The following TANC2 variants were observed in gnomAD, a reference collection of about 807,000 sequenced individuals.
TANC2 encodes the protein tetratricopeptide repeat, ankyrin repeat and coiled-coil containing 2.
TANC2 carries 26 observed loss-of-function variants against 210.5 expected under a neutral mutation model. That is an observed-to-expected ratio of 0.12 (90% CI 0.09 to 0.17). TANC2 has a LOEUF of 0.17. Among genes scored for constraint, TANC2 ranks in the 10% least tolerant of loss-of-function variants. TANC2 has a pLI of 1.00. For missense variants in TANC2, 2,129 were observed against 2,608.9 expected, an observed-to-expected ratio of 0.82 and a Z score of 4.01; for synonymous variants, 931 against 967.1, an observed-to-expected ratio of 0.96 and a Z score of 0.69.
rs188885977 is a variant in TANC2 at position 63,183,674 on chromosome 17, A to T, written c.434-10317A>T. On this transcript the variant is annotated intron_variant, in intron 5 of 27. Transcript: ENST00000689528. ...TCCCTAAATATATAAAATATTTTTT[A>T]AAATTTAAGTAAATCTGGTAAACTG... 8.5e-3 allele frequency among the ~76,000 whole-genome samples: 1,295 copies of T among 152,288 alleles called. 16 individuals are homozygous for T. The highest frequency in any genetic ancestry group is 0.028 in the African/African-American group (1,184 of 41,560).
intron 21 of TANC2, 95 bp downstream of exon 21, chr17:63,406,372 C>A (rs2048507261): frequency 6.5e-7 from 1 of 1,543,034 alleles, no homozygotes; most frequent in Admixed American, 1.8e-5. Flanking sequence ...ATGCTAAGAA[C>A]AGATATTAAT....
intron 12 of TANC2, among the ~76,000 whole-genome samples, chr17:63,348,002 A>C (rs561786820): frequency 6.6e-6 from 1 of 152,254 alleles, no homozygotes; most frequent in East Asian, 1.9e-4. Context: ...TCCTGGACTC[A>C]AGCAGTCCTC....
chr17:63,057,219 T>C (rs1333655374), intron 2 of TANC2, among the ~76,000 whole-genome samples: 1 of 152,168 alleles, frequency 6.6e-6, no homozygotes, highest in African/African-American at 2.4e-5. Flanking sequence ...ATTTATGACA[T>C]ACCTGCATAG....
At chr17:63,147,810 A>G (rs2039514875) in intron 4 of TANC2, among the ~76,000 whole-genome samples, 1 of 152,142 alleles carries the variant, frequency 6.6e-6, no homozygotes, top group Non-Finnish European at 1.5e-5. Flanking sequence ...CTTCAACATG[A>G]TTCCCTTCTC....
intron 11 of TANC2, among the ~76,000 whole-genome samples, chr17:63,330,108 T>C (rs965549938): frequency 6.6e-6 from 1 of 152,074 alleles, no homozygotes; most frequent in Non-Finnish European, 1.5e-5. Flanking sequence ...AGTTAGAAAA[T>C]CAAACCAGCC....
At chr17:63,028,637 G>GT (rs1322837583) in intron 2 of TANC2, among the ~76,000 whole-genome samples, 3 of 152,106 alleles carry the variant, frequency 2.0e-5, no homozygotes, top group Non-Finnish European at 4.4e-5. Flanking sequence ...TTACATTGGA[G>GT]TTTCATCTCC....
At chr17:63,311,063 C>G (rs999880791) in intron 9 of TANC2, among the ~76,000 whole-genome samples, 6 of 152,180 alleles carry the variant, frequency 3.9e-5, no homozygotes, top group African/African-American at 7.2e-5. Context: ...AGGCAAATAA[C>G]TTAATCTCTT....
At chr17:63,188,406 A>G (rs1268093280) in intron 5 of TANC2, among the ~76,000 whole-genome samples, 1 of 152,078 alleles carries the variant, frequency 6.6e-6, no homozygotes, top group Non-Finnish European at 1.5e-5. Flanking sequence ...ATCCTGGCCA[A>G]CATGGTGAAA....
chr17:63,030,379 A>G (rs564051313), intron 2 of TANC2, among the ~76,000 whole-genome samples: 1 of 152,250 alleles, frequency 6.6e-6, no homozygotes, highest in Non-Finnish European at 1.5e-5. Context: ...CAACAGCATC[A>G]CCAAAGACTC....
At chr17:63,034,695 C>G (rs956290927) in intron 2 of TANC2, among the ~76,000 whole-genome samples, 1 of 152,064 alleles carries the variant, frequency 6.6e-6, no homozygotes, top group South Asian at 2.1e-4. Context: ...GATTCCAACC[C>G]TCATGGATAG....
At chr17:63,201,222 T>A (rs1292569869) in intron 7 of TANC2, among the ~76,000 whole-genome samples, 1 of 152,130 alleles carries the variant, frequency 6.6e-6, no homozygotes, top group Non-Finnish European at 1.5e-5. Context: ...CACTTCTTCC[T>A]GTAAATGCAC....
At chr17:63,151,208 C>A (rs938634350) in intron 4 of TANC2, 62 bp from the exon 5 acceptor site, 1 of 788,632 alleles carries the variant, frequency 1.3e-6, no homozygotes, top group Non-Finnish European at 1.5e-6. Context: ...CCCTTCCTTT[C>A]TCTTTCTTTC....
chr17:63,219,275 A>G (rs935733162), intron 7 of TANC2, among the ~76,000 whole-genome samples: 3 of 151,688 alleles, frequency 2.0e-5, no homozygotes, highest in Non-Finnish European at 2.9e-5. Flanking sequence ...AATGATTTCT[A>G]TATTTTTAAA....
intron 1 of TANC2, among the ~76,000 whole-genome samples, chr17:62,969,982 T>TA (rs1239210398): frequency 6.6e-6 from 1 of 152,180 alleles, no homozygotes; most frequent in African/African-American, 2.4e-5. Flanking sequence ...ATTGACCACA[T>TA]ATGACAAAGT....
rs1006844843 is a variant in TANC2 at position 63,271,290 on chromosome 17, A to AT, written c.1159+3418dup. ...TGGAAAACACTCCCACCAACTGTGT[A>AT]TAAGTGTTCCTTTTTCTCCACAGCT... is the stretch of plus-strand genomic sequence containing the variant. On this transcript the variant is annotated intron_variant, in intron 9 of 27. Coordinates refer to ENST00000689528, the Ensembl canonical transcript of TANC2. Among the ~76,000 whole-genome samples the AT allele has an allele frequency of 9.7e-4, 147 of 152,200 alleles. 1 individual carries two copies. Among genetic ancestry groups the AT allele is most frequent in the African/African-American group, 3.0e-3 (123 of 41,532 alleles).
chr17:63,152,979 A>G (rs991185626), intron 5 of TANC2: 17 of 152,198 alleles, frequency 1.1e-4, no homozygotes, highest in East Asian at 1.9e-4. Context: ...CTAAAACACA[A>G]TATCAAAGTG....
At chr17:63,033,143 G>A (rs906953791) in intron 2 of TANC2, among the ~76,000 whole-genome samples, 4 of 152,164 alleles carry the variant, frequency 2.6e-5, no homozygotes, top group African/African-American at 9.7e-5. Flanking sequence ...CTCCTGACAT[G>A]AGGTTCACTG....
chr17:63,023,402 A>G (rs2034429129), intron 2 of TANC2, among the ~76,000 whole-genome samples: 1 of 152,158 alleles, frequency 6.6e-6, no homozygotes, highest in Non-Finnish European at 1.5e-5. Context: ...CATGAGGTCT[A>G]GCTATGTTGC....
At chr17:62,981,953 C>T (rs963384012) in intron 1 of TANC2, among the ~76,000 whole-genome samples, 1 of 152,204 alleles carries the variant, frequency 6.6e-6, no homozygotes, top group African/African-American at 2.4e-5. Flanking sequence ...ATACATCACC[C>T]TCCTGGCACA....
Sources: allele counts gnomAD v4.1 joint callset (sites outside exome capture counted in the v4.1 genomes callset), GRCh38; gene constraint gnomAD v4.1.1; transcripts MANE v1.5; gene names NCBI Gene and HGNC (gene_info 2026-07-23, HGNC 2026-07-21).